The following ANKFN1 variants were observed in gnomAD, a reference collection of about 807,000 sequenced individuals.
ANKFN1 encodes ankyrin repeat and fibronectin type III domain containing 1, also known as ankyrin repeat and fibronectin type-III domain-containing protein 1.
In ANKFN1, 74 loss-of-function variants were observed where a neutral mutation model predicts 108.7. The observed-to-expected ratio is 0.68, with a 90% CI of 0.56 to 0.83. The LOEUF (loss-of-function observed/expected upper bound fraction) is 0.83, where lower values mean the gene tolerates loss of function less well. Among genes scored for constraint, ANKFN1 ranks in the 40% least tolerant of loss-of-function variants. The probability of loss-of-function intolerance (pLI) is 0.00; values close to 1 mark genes in which losing one functional copy is unlikely to be tolerated. For synonymous variants in ANKFN1, 547 were observed against 516.2 expected, an observed-to-expected ratio of 1.06 and a Z score of -0.81; for missense variants, 1,505 against 1,382.3, an observed-to-expected ratio of 1.09 and a Z score of -1.41.
chr17:56,125,245 C>T (rs956058606), intron 4 of ANKFN1, among the ~76,000 whole-genome samples: 2 of 152,174 alleles, frequency 1.3e-5, no homozygotes, highest in Admixed American at 6.5e-5. Flanking sequence ...TCAAAGGGAG[C>T]TCCAAATCTG....
intron 11 of ANKFN1, among the ~76,000 whole-genome samples, chr17:56,450,258 A>G (rs988380492): frequency 1.3e-5 from 2 of 151,014 alleles, no homozygotes; most frequent in African/African-American, 4.9e-5. Context: ...AAAAATAGCA[A>G]ATTTTTTAAA....
chr17:56,425,902 A>G (rs2048549749), intron 8 of ANKFN1, among the ~76,000 whole-genome samples: 1 of 152,170 alleles, frequency 6.6e-6, no homozygotes, highest in Non-Finnish European at 1.5e-5. Context: ...AGCTTTGTTC[A>G]TATTTACATC....
intron 4 of ANKFN1, among the ~76,000 whole-genome samples, chr17:56,130,446 AT>A (rs1907211469): frequency 6.6e-6 from 1 of 152,260 alleles, no homozygotes; most frequent in East Asian, 1.9e-4. Context: ...GGAAAAAAAA[AT>A]GCAAAGTGCA....
intron 8 of ANKFN1, among the ~76,000 whole-genome samples, chr17:56,399,838 ATT>A (rs1202481823): frequency 0.045 from 1,918 of 42,612 alleles, 38 homozygotes; most frequent in African/African-American, 0.17. Context: ...GTAGTATTCC[ATT>A]TTTTATATAT....
rs118188996 is a variant in ANKFN1, at chr17:56,286,240, G to C, written c.54-39981G>C. ...TAGAGAAAACTATGATGTTATCCTGGAGTCTATCTGACCCTATTTTTAGTG... is the reference window on the plus strand; with the variant it reads ...TAGAGAAAACTATGATGTTATCCTGCAGTCTATCTGACCCTATTTTTAGTG... On this transcript the variant is annotated intron_variant, in intron 3 of 20. Coordinates refer to ENST00000682825, the MANE Select transcript of ANKFN1 (RefSeq NM_001370326.1). Among the ~76,000 whole-genome samples the C allele has an allele frequency of 3.9e-5, 6 of 152,176 alleles. No individual in the cohort carries two copies. In the East Asian group the frequency reaches 1.2e-3, roughly 29 times the overall value.
At chr17:56,370,948 G>T (rs1598474145) in intron 6 of ANKFN1, among the ~76,000 whole-genome samples, 2 of 149,412 alleles carry the variant, frequency 1.3e-5, no homozygotes, top group Non-Finnish European at 3.0e-5. Context: ...GTGTGTATGT[G>T]TTTTTTTTTT....
At chr17:56,208,832 T>C (rs1056697539) in intron 1 of ANKFN1, among the ~76,000 whole-genome samples, 7 of 152,114 alleles carry the variant, frequency 4.6e-5, no homozygotes, top group African/African-American at 1.7e-4. Flanking sequence ...CTTTTCTTTC[T>C]TTGCTTGTTG....
chr17:56,049,114 C>A (rs2143067996), intron 4 of ANKFN1, among the ~76,000 whole-genome samples: 1 of 152,302 alleles, frequency 6.6e-6, no homozygotes, highest in African/African-American at 2.4e-5. Flanking sequence ...GCTGTGGGGA[C>A]AATTTTTTCA....
chr17:56,341,853 T>A (rs2144624003), intron 4 of ANKFN1, among the ~76,000 whole-genome samples: 1 of 151,966 alleles, frequency 6.6e-6, no homozygotes, highest in South Asian at 2.1e-4. Context: ...TCCTTTGCAA[T>A]TTTTTGGAAT....
chr17:56,088,093 C>A lies in ANKFN1; in HGVS notation c.288+41768C>A, dbSNP rs933903864. Among the ~76,000 whole-genome samples, 82 of 151,208 alleles carry A rather than the reference C, an allele frequency of 5.4e-4. 3 individuals are homozygous for A. The highest frequency in any genetic ancestry group is 2.0e-3 in the African/African-American group (81 of 41,156). On this transcript the variant is annotated intron_variant, in intron 4 of 12. Transcript: ENST00000635860. ...AGTCACGTTGCTCTTACTTTCCCTC[C>A]AGGTAGAATCTTCTTTAATGATATC...
At chr17:56,501,798 G>A (rs1052080180) in intron 20 of ANKFN1, among the ~76,000 whole-genome samples, 52 of 152,064 alleles carry the variant, frequency 3.4e-4, no homozygotes, top group African/African-American at 1.2e-3. Context: ...AGAGAAAGAA[G>A]ATTAAAAAAA....
At chr17:56,385,170 T>C (rs1268211135) in intron 8 of ANKFN1, among the ~76,000 whole-genome samples, 1 of 151,824 alleles carries the variant, frequency 6.6e-6, no homozygotes, top group African/African-American at 2.4e-5. Context: ...ATGCCACATA[T>C]CTACAACTAT....
intron 18 of ANKFN1, among the ~76,000 whole-genome samples, chr17:56,486,489 C>T (rs1388534553): frequency 6.6e-6 from 1 of 152,208 alleles, no homozygotes; most frequent in East Asian, 1.9e-4. Context: ...CCCAAGCAAT[C>T]AGAGCTTTCC....
rs563288184 is a variant in ANKFN1 at position 56,349,881 on chromosome 17, G to A, written c.189-885G>A. Among the ~76,000 whole-genome samples, 3 of 152,298 alleles carry A rather than the reference G, an allele frequency of 2.0e-5. No individual in the cohort carries two copies. In the South Asian group the frequency reaches 6.2e-4, roughly 32 times the overall value. Reference sequence around the variant, plus strand: ...AGAGGCTCTACCAGGGAGACACTTTGCACATAATTACCTTGGCTAGTTATT... The same window carrying A: ...AGAGGCTCTACCAGGGAGACACTTTACACATAATTACCTTGGCTAGTTATT... On this transcript the variant is annotated intron_variant, in intron 4 of 20. Transcript: ENST00000682825.
intron 2 of ANKFN1, among the ~76,000 whole-genome samples, 81 bp downstream of exon 2, chr17:56,212,760 A>G (rs1268787384): frequency 6.6e-6 from 1 of 152,208 alleles, no homozygotes; most frequent in Non-Finnish European, 1.5e-5. Context: ...CAGCTGAGCT[A>G]GTAGTTCCAG....
intron 3 of ANKFN1, among the ~76,000 whole-genome samples, chr17:56,316,284 G>A (rs2045205447): frequency 6.6e-6 from 1 of 152,132 alleles, no homozygotes; most frequent in Non-Finnish European, 1.5e-5. Flanking sequence ...TTCTCACTGT[G>A]ATTAATTACA....
intron 4 of ANKFN1, among the ~76,000 whole-genome samples, chr17:56,136,841 C>T (rs1009624734): frequency 6.6e-6 from 1 of 152,194 alleles, no homozygotes; most frequent in African/African-American, 2.4e-5. Flanking sequence ...GAATATTAAT[C>T]ATATCCAGAG....
chr17:56,428,291 A>T (rs2048637734), intron 8 of ANKFN1, among the ~76,000 whole-genome samples: 1 of 152,032 alleles, frequency 6.6e-6, no homozygotes. Context: ...GCTCCAGTAA[A>T]TATTAATAGA....
chr17:56,321,878 C>T (rs1182678374), intron 3 of ANKFN1, among the ~76,000 whole-genome samples: 2 of 152,194 alleles, frequency 1.3e-5, no homozygotes, highest in Non-Finnish European at 2.9e-5. Context: ...GAAGTTCAAA[C>T]TCCCGTTTCC....
Sources: allele counts gnomAD v4.1 joint callset (sites outside exome capture counted in the v4.1 genomes callset), GRCh38; gene constraint gnomAD v4.1.1; transcripts MANE v1.5; gene names NCBI Gene and HGNC (gene_info 2026-07-23, HGNC 2026-07-21).